The following SLC23A2 variants were observed in gnomAD, a reference collection of about 807,000 sequenced individuals.
SLC23A2 encodes the protein solute carrier family 23 member 2, also known as Na(+)/L-ascorbic acid transporter 2.
In SLC23A2, 36 loss-of-function variants were observed where a neutral mutation model predicts 73.3. That is an observed-to-expected ratio of 0.49 (90% CI 0.38 to 0.65). The LOEUF (loss-of-function observed/expected upper bound fraction) is 0.65, where lower values mean the gene tolerates loss of function less well. Among genes scored for constraint, SLC23A2 ranks in the 30% least tolerant of loss-of-function variants. SLC23A2 has a pLI of 0.00. For synonymous variants in SLC23A2, 343 were observed against 327.3 expected (o/e 1.05, Z -0.52); for missense variants, 507 against 841.6 (o/e 0.60, Z 4.92).
At chr20:4,873,905 T>C in intron 11 of SLC23A2, 31 bp downstream of exon 11, 1 of 1,597,110 alleles carries the variant, frequency 6.3e-7, no homozygotes, top group Non-Finnish European at 8.5e-7. Flanking sequence ...CCTCGTGGGC[T>C]CTTGACCCCT....
chr20:4,991,501 ATCACAAGG>A (rs1400657490), intron 1 of SLC23A2, among the ~76,000 whole-genome samples: 2 of 152,058 alleles, frequency 1.3e-5, no homozygotes, highest in Non-Finnish European at 2.9e-5. Flanking sequence ...AGGCAGGTGG[ATCACAAGG>A]TCAGCAGTTC....
At chr20:4,969,343 C>A (rs1859138340) in intron 2 of SLC23A2, among the ~76,000 whole-genome samples, 1 of 152,140 alleles carries the variant, frequency 6.6e-6, no homozygotes, top group South Asian at 2.1e-4. Context: ...CCCGCCTCAG[C>A]TTCCCAAAGT....
At position 4,898,068 on chromosome 20, in the gene SLC23A2, G is replaced by A. The variant is rs539520297; in HGVS notation, c.482+1487C>T. 2.6e-5 allele frequency among the ~76,000 whole-genome samples: 4 copies of A among 152,314 alleles called. No individual in the cohort carries two copies. In the East Asian group the frequency reaches 7.7e-4, roughly 29 times the overall value. On this transcript the variant is annotated intron_variant, in intron 6 of 16. Coordinates refer to ENST00000338244, the MANE Select transcript of SLC23A2 (RefSeq NM_005116.6). The stretch of plus-strand genomic sequence containing the variant: ...CAGAGCCCTGAACACTGTACCCAAA[G>A]AATGAAAGAGGGTGCTAGTCAGGTT...
At chr20:4,890,340 G>A (rs1160850392) in intron 6 of SLC23A2, among the ~76,000 whole-genome samples, 1 of 152,138 alleles carries the variant, frequency 6.6e-6, no homozygotes, top group Non-Finnish European at 1.5e-5. Context: ...CACTAGGAGT[G>A]TGTGTACCAA....
Position 4,862,968 on chromosome 20 carries a change from T to C in SLC23A2, c.1357-61A>G. ...CATCTCCATGCAAAATCACCGTAAG[T>C]TACTAAAGAACACACAGCAGAGATA... On this transcript the variant is annotated intron_variant, in intron 13 of 16. Transcript: ENST00000338244. This position sits in a 1 kb window ranked among gnomAD's most constrained non-coding sequence, Gnocchi z 5.1. 1.9e-6 allele frequency: 3 copies of C among 1,552,258 alleles called. No individual in the cohort carries two copies. The highest frequency in any genetic ancestry group is 2.3e-5 in the East Asian group (1 of 43,686).
Position 4,857,291 on chromosome 20 carries a change from C to T in SLC23A2, c.1721-87G>A, listed in dbSNP as rs1473515931. 9.9e-5 allele frequency: 26 copies of T among 261,794 alleles called. No homozygotes were observed. The highest frequency in any genetic ancestry group is 4.2e-4 in the East Asian group (11 of 25,974). The allele number at this position is 261,794 out of a possible 1,614,324, so 16.2% of individuals were successfully genotyped here. On this transcript the variant is annotated intron_variant, in intron 16 of 16. Transcript: ENST00000338244. The surrounding 1 kb of genome is among the most constrained non-coding windows in gnomAD (Gnocchi z 4.0). ...AACTGTCGTCAAACACATACACACA[C>T]ACACACACACACACACACACACACA...
chr20:4,962,363 T>C (rs900668303), intron 2 of SLC23A2, among the ~76,000 whole-genome samples: 10 of 152,076 alleles, frequency 6.6e-5, no homozygotes, highest in Admixed American at 2.0e-4. Flanking sequence ...CGTGATTTCC[T>C]GTGGCGTCCA....
At chr20:5,003,180 G>C (rs1449099217), upstream of SLC23A2, among the ~76,000 whole-genome samples, 1 of 152,090 alleles carries the variant, frequency 6.6e-6, no homozygotes, top group Non-Finnish European at 1.5e-5. Flanking sequence ...TCAGGAGATC[G>C]AGACCATCCT....
At chr20:4,976,430 C>T (rs992801221) in intron 1 of SLC23A2, among the ~76,000 whole-genome samples, 1 of 152,068 alleles carries the variant, frequency 6.6e-6, no homozygotes, top group African/African-American at 2.4e-5. Flanking sequence ...AATCCCAGCA[C>T]TTTGGAAGGC....
intron 2 of SLC23A2, among the ~76,000 whole-genome samples, chr20:4,942,846 G>A (rs919490831): frequency 6.6e-6 from 1 of 152,140 alleles, no homozygotes; most frequent in Non-Finnish European, 1.5e-5. Flanking sequence ...ACCTAGCAGA[G>A]TGAGCAGGTA....
intron 1 of SLC23A2, among the ~76,000 whole-genome samples, chr20:4,999,455 T>C (rs943847714): frequency 3.3e-5 from 5 of 152,066 alleles, no homozygotes; most frequent in African/African-American, 1.2e-4. Context: ...TAGAGTTTGC[T>C]CCATCAATGA....
intron 1 of SLC23A2, among the ~76,000 whole-genome samples, chr20:4,974,812 G>A (rs918115785): frequency 4.6e-5 from 7 of 152,120 alleles, no homozygotes; most frequent in Non-Finnish European, 1.0e-4. Context: ...TTTTGAGACG[G>A]AGTCTCGCTC....
At position 4,905,349 on chromosome 20, in the gene SLC23A2, C is replaced by T. The variant is rs548863313; in HGVS notation, c.208-2791G>A. Among the ~76,000 whole-genome samples the T allele has an allele frequency of 1.8e-4, 28 of 152,262 alleles. 1 individual carries two copies. The Middle Eastern group carries it at 0.01, about 55-fold the overall frequency. ...ACTGTGAGGCAGACGCTGTGCCCCCCCTCCTGATGACAGAAGGACCACTCT... is the reference window on the plus strand; with the variant it reads ...ACTGTGAGGCAGACGCTGTGCCCCCTCTCCTGATGACAGAAGGACCACTCT... On this transcript the variant is annotated intron_variant, in intron 4 of 16. Transcript: ENST00000338244.
intron 3 of SLC23A2, among the ~76,000 whole-genome samples, chr20:4,919,076 T>G (rs746198201): frequency 2.0e-5 from 3 of 152,322 alleles, no homozygotes; most frequent in Non-Finnish European, 4.4e-5. Context: ...CTTTCAATAT[T>G]ATTAGAAATT....
chr20:4,970,088 T>G (rs2087538239), intron 2 of SLC23A2, among the ~76,000 whole-genome samples: 1 of 152,102 alleles, frequency 6.6e-6, no homozygotes, highest in African/African-American at 2.4e-5. Context: ...TAAATCTCTT[T>G]CCACTCCAGG....
chr20:4,931,891 T>A (rs1480680596), intron 3 of SLC23A2, among the ~76,000 whole-genome samples: 2 of 152,260 alleles, frequency 1.3e-5, no homozygotes, highest in African/African-American at 4.8e-5. Flanking sequence ...TTTCTGTTTT[T>A]AAACCAACAC....
intron 6 of SLC23A2, among the ~76,000 whole-genome samples, chr20:4,896,646 C>T (rs138600212): frequency 3.9e-5 from 6 of 152,294 alleles, no homozygotes; most frequent in Admixed American, 2.0e-4. Flanking sequence ...GGAATGAGTT[C>T]AGTCCTAGCA....
intron 1 of SLC23A2, among the ~76,000 whole-genome samples, chr20:4,991,762 A>C (rs920445408): frequency 1.4e-5 from 2 of 145,346 alleles, no homozygotes; most frequent in Admixed American, 1.4e-4. Flanking sequence ...ACACACACAC[A>C]CAAAAGTAAT....
intron 3 of SLC23A2, among the ~76,000 whole-genome samples, chr20:4,929,264 TA>T (rs368253095): frequency 2.1e-4 from 25 of 119,020 alleles, no homozygotes; most frequent in African/African-American, 2.2e-4. Flanking sequence ...AGACCCTGTG[TA>T]AAAAAAAAAA....
Sources: gnomAD v4.1 joint callset for allele counts (sites outside exome capture counted in the v4.1 genomes callset) on GRCh38, gnomAD v4.1.1 for gene constraint, Gnocchi (gnomAD v3.1) non-coding constraint, MANE v1.5 for transcripts, NCBI Gene and HGNC (gene_info 2026-07-23, HGNC 2026-07-21) for gene names.